Variants in DOCK10 observed in about 807,000 individuals in gnomAD.
DOCK10 encodes dedicator of cytokinesis 10.
In DOCK10, 145 loss-of-function variants were observed where a neutral mutation model predicts 280.1. That is an observed-to-expected ratio of 0.52 (90% confidence interval 0.45 to 0.59). DOCK10 has a LOEUF of 0.59. Among genes scored for constraint, DOCK10 ranks in the 20% least tolerant of loss-of-function variants. The pLI is 0.00. For missense variants in DOCK10, 2,368 were observed against 2,651.7 expected (o/e 0.89, Z 2.35); for synonymous variants, 915 against 942.2 (o/e 0.97, Z 0.53).
At chr2:224,853,742 C>G (rs771989215) in intron 16 of DOCK10, among the ~76,000 whole-genome samples, 30 of 152,168 alleles carry the variant, frequency 2.0e-4, no homozygotes, top group Non-Finnish European at 2.4e-4. Flanking sequence ...ATCAAAACTT[C>G]TGTCACCAAA....
At chr2:224,884,812 A>T (rs1235769533) in intron 7 of DOCK10, among the ~76,000 whole-genome samples, 4 of 152,216 alleles carry the variant, frequency 2.6e-5, no homozygotes, top group Admixed American at 6.5e-5. Flanking sequence ...TTAATTATAA[A>T]ATAACATATT....
intron 1 of DOCK10, among the ~76,000 whole-genome samples, chr2:224,988,433 G>A (rs1575151437): frequency 6.6e-6 from 1 of 152,154 alleles, no homozygotes; most frequent in East Asian, 1.9e-4. Flanking sequence ...CCATGTGCCA[G>A]GCACAGTGCT....
intron 1 of DOCK10, among the ~76,000 whole-genome samples, chr2:224,953,858 T>C (rs1300799489): frequency 6.6e-6 from 1 of 152,092 alleles, no homozygotes; most frequent in Non-Finnish European, 1.5e-5. Flanking sequence ...TGAGTGAGAA[T>C]GTAGATGAGC....
chr2:224,839,657 A>C (rs1485720918), intron 24 of DOCK10, among the ~76,000 whole-genome samples: 2 of 152,206 alleles, frequency 1.3e-5, no homozygotes, highest in Non-Finnish European at 2.9e-5. Context: ...GCCAGTGGGG[A>C]AAACCAGGTA....
chr2:224,946,179 A>G (rs373638316), intron 1 of DOCK10, among the ~76,000 whole-genome samples: 12 of 152,238 alleles, frequency 7.9e-5, no homozygotes, highest in African/African-American at 2.9e-4. Context: ...GTAAAGTTCT[A>G]TACATTCTAC....
At chr2:224,914,485 A>G (rs1575049139) in intron 3 of DOCK10, among the ~76,000 whole-genome samples, 1 of 152,214 alleles carries the variant, frequency 6.6e-6, no homozygotes, top group East Asian at 1.9e-4. Flanking sequence ...ACAAGTAGGG[A>G]TCCACAGGAC....
intron 25 of DOCK10, among the ~76,000 whole-genome samples, chr2:224,834,688 G>A (rs1030979338): frequency 2.0e-5 from 3 of 152,104 alleles, no homozygotes; most frequent in Non-Finnish European, 4.4e-5. Context: ...ATGCCAGTAC[G>A]TGAGCTCCCC....
At chr2:224,994,411 T>C (rs1003257009) in intron 1 of DOCK10, among the ~76,000 whole-genome samples, 1 of 152,214 alleles carries the variant, frequency 6.6e-6, no homozygotes, top group Admixed American at 6.5e-5. Flanking sequence ...TGCCAGGAAG[T>C]AGTACTACAA....
chr2:224,786,104 G>A lies in DOCK10; in HGVS notation c.5655+918C>T, dbSNP rs1269966396. Reference sequence around the variant, plus strand: ...CCAGCTACTCGGGAGGCTGAGGCAGGAGAATTGCTTGAACCGGGACCCAGG... The same window carrying A: ...CCAGCTACTCGGGAGGCTGAGGCAGAAGAATTGCTTGAACCGGGACCCAGG... On this transcript the variant is annotated intron_variant, in intron 50 of 55. Transcript: ENST00000258390. This position sits in a 1 kb window ranked among gnomAD's most constrained non-coding sequence, Gnocchi z 4.7. Among the ~76,000 whole-genome samples the A allele has an allele frequency of 6.6e-6, 1 of 152,168 alleles. No homozygotes were observed. Among genetic ancestry groups the A allele is most frequent in the Non-Finnish European group, 1.5e-5 (1 of 68,030 alleles).
chr2:224,923,114 A>G (rs1317810950), intron 2 of DOCK10, among the ~76,000 whole-genome samples: 2 of 152,216 alleles, frequency 1.3e-5, no homozygotes, highest in Non-Finnish European at 2.9e-5. Flanking sequence ...TGAGAATATT[A>G]CTTTAGTACC....
intron 2 of DOCK10, among the ~76,000 whole-genome samples, chr2:224,922,042 C>A (rs1239245392): frequency 6.6e-6 from 1 of 151,542 alleles, no homozygotes; most frequent in East Asian, 1.9e-4. Context: ...TCGCTTGAAC[C>A]CGGGTGGCGG....
At chr2:224,773,877 G>A (rs568831301) in intron 52 of DOCK10, among the ~76,000 whole-genome samples, 18 of 152,138 alleles carry the variant, frequency 1.2e-4, no homozygotes, top group Middle Eastern at 3.4e-3. Flanking sequence ...TGATCCGCCC[G>A]CCTCTGCCTC....
intron 1 of DOCK10, among the ~76,000 whole-genome samples, chr2:225,021,230 A>C (rs1689776678): frequency 6.6e-6 from 1 of 152,212 alleles, no homozygotes; most frequent in Non-Finnish European, 1.5e-5. Context: ...AAACAAACAA[A>C]AAACAAACAG....
At chr2:225,039,577 T>C (rs1383498791) in intron 1 of DOCK10, among the ~76,000 whole-genome samples, 1 of 152,200 alleles carries the variant, frequency 6.6e-6, no homozygotes. Context: ...TACACCTGTA[T>C]TGTCCTCAAC....
At chr2:225,015,398 T>A (rs919134170) in intron 1 of DOCK10, among the ~76,000 whole-genome samples, 1 of 152,208 alleles carries the variant, frequency 6.6e-6, no homozygotes, top group Admixed American at 6.5e-5. Context: ...TGCTTTATTA[T>A]TTCCATGTAA....
chr2:225,006,611 C>T (rs1327504086), intron 1 of DOCK10, among the ~76,000 whole-genome samples: 1 of 152,202 alleles, frequency 6.6e-6, no homozygotes, highest in Non-Finnish European at 1.5e-5. Flanking sequence ...CCGTTCTAGT[C>T]CTCCTACTAC....
In DOCK10 at chr2:224,844,913, G is replaced by A. The variant is rs945356822; in HGVS notation, c.2482-74C>T. On this transcript the variant is annotated intron_variant, in intron 21 of 55. Coordinates refer to ENST00000258390, the MANE Select transcript of DOCK10 (RefSeq NM_014689.3). ...AAAATAAATAGATTGTTTAGTTTAT[G>A]TTAATGTGCTGTTCTGATCCATTAA... 98 of 1,100,536 alleles carry A rather than the reference G, an allele frequency of 8.9e-5. No individual in the cohort carries two copies. In the African/African-American group the frequency reaches 1.5e-3, roughly 17 times the overall value. 68.2% of individuals were successfully genotyped at this position (1,100,536 alleles called of 1,614,324 possible). A position where few individuals can be genotyped will look rare whatever the true frequency, so the allele number is the denominator to read the frequency against.
At chr2:224,998,492 T>C (rs543403583) in intron 1 of DOCK10, among the ~76,000 whole-genome samples, 22 of 152,306 alleles carry the variant, frequency 1.4e-4, no homozygotes, top group Admixed American at 2.6e-4. Flanking sequence ...AAACAATCTC[T>C]GTACTCTCAT....
chr2:224,967,792 G>A (rs2126196966), intron 1 of DOCK10, among the ~76,000 whole-genome samples: 1 of 151,556 alleles, frequency 6.6e-6, no homozygotes, highest in South Asian at 2.1e-4. Context: ...GATCTGAGAG[G>A]AGTGTGGGAC....
Sources: allele counts gnomAD v4.1 joint callset (sites outside exome capture counted in the v4.1 genomes callset), GRCh38; gene constraint gnomAD v4.1.1; non-coding constraint Gnocchi (gnomAD v3.1); transcripts MANE v1.5; gene names NCBI Gene and HGNC (gene_info 2026-07-23, HGNC 2026-07-21).